ZNF516: variants seen among roughly 807,000 people sequenced by gnomAD.
ZNF516 encodes zinc finger protein 516.
Under a neutral mutation model 79.7 loss-of-function variants are expected in ZNF516, and 19 were observed. The ratio of observed to expected loss-of-function variants is 0.24; its 90% CI spans 0.17 to 0.35. The LOEUF (loss-of-function observed/expected upper bound fraction) is 0.35. Among genes scored for constraint, ZNF516 ranks in the 10% least tolerant of loss-of-function variants. The pLI is 1.00. For missense variants in ZNF516, 1,678 were observed against 1,679.5 expected, an observed-to-expected ratio of 1.00 and a Z score of 0.02; for synonymous variants, 877 against 739.5, an observed-to-expected ratio of 1.19 and a Z score of -3.02.
At chr18:76,440,761 T>TGTGTGTGTGTGTGCGCGCGC (rs571461431) in intron 3 of ZNF516, among the ~76,000 whole-genome samples, 6 of 150,142 alleles carry the variant, frequency 4.0e-5, no homozygotes, top group African/African-American at 1.5e-4. Flanking sequence ...TGTGTGTGTG[T>TGTGTGTGTGTGTGCGCGCGC]GCGCGCACGC....
At chr18:76,441,046 G>C (rs1156634514) in intron 3 of ZNF516, among the ~76,000 whole-genome samples, 199 bp downstream of exon 3, 2 of 152,190 alleles carry the variant, frequency 1.3e-5, no homozygotes, top group African/African-American at 4.8e-5. Context: ...CTGGGCACAG[G>C]GACCCTGGGC....
chr18:76,365,334 T>C (rs2144887763), intron 6 of ZNF516, among the ~76,000 whole-genome samples: 1 of 152,300 alleles, frequency 6.6e-6, no homozygotes, highest in South Asian at 2.1e-4. Context: ...TTTCAATAAA[T>C]CCCAAAACCA....
intron 3 of ZNF516, among the ~76,000 whole-genome samples, chr18:76,415,337 T>C (rs1015981267): frequency 2.0e-5 from 3 of 152,216 alleles, no homozygotes; most frequent in Non-Finnish European, 2.9e-5. Flanking sequence ...GGCCAGCTCA[T>C]GTGTGTGACA....
chr18:76,429,800 C>T (rs1317822910), intron 3 of ZNF516, among the ~76,000 whole-genome samples: 1 of 152,192 alleles, frequency 6.6e-6, no homozygotes, highest in Non-Finnish European at 1.5e-5. Context: ...GCAGTGGCTA[C>T]GGAAAAGGTA....
At chr18:76,366,713 A>G (rs1467335845) in intron 6 of ZNF516, among the ~76,000 whole-genome samples, 1 of 152,230 alleles carries the variant, frequency 6.6e-6, no homozygotes, top group South Asian at 2.1e-4. Context: ...CCAGTTATTA[A>G]GGAAAATTGC....
At chr18:76,440,092 A>T (rs1276383807) in intron 3 of ZNF516, among the ~76,000 whole-genome samples, 1 of 152,244 alleles carries the variant, frequency 6.6e-6, no homozygotes, top group Non-Finnish European at 1.5e-5. Flanking sequence ...CTATGTATAC[A>T]CTCATAACCT....
intron 3 of ZNF516, among the ~76,000 whole-genome samples, chr18:76,401,366 C>T (rs2145215412): frequency 6.6e-6 from 1 of 151,882 alleles, no homozygotes; most frequent in East Asian, 1.9e-4. Flanking sequence ...ACCACTCAGT[C>T]ATATTTCTAT....
upstream of ZNF516, chr18:76,496,259 A>G (rs1392994238): frequency 7.8e-7 from 1 of 1,283,114 alleles, no homozygotes; most frequent in East Asian, 5.6e-5. Flanking sequence ...CGGAGGGGTA[A>G]CACTATCTTC....
chr18:76,493,275 G>C lies in ZNF516; in HGVS notation c.-272+1869C>G. On this transcript the variant is annotated intron_variant, in intron 1 of 6. Coordinates refer to ENST00000443185, the MANE Select transcript of ZNF516 (RefSeq NM_014643.4). This position sits in a 1 kb window ranked among gnomAD's most constrained non-coding sequence, Gnocchi z 5.2. ...GGATGGAAAGGGAAATTCACGAAGG[G>C]AGTGGAGGCGGAAAGGGAGCTCCGA... 1 of 775,086 alleles carries C rather than the reference G, an allele frequency of 1.3e-6. No homozygotes were observed. The highest frequency in any genetic ancestry group is 1.6e-6 in the Non-Finnish European group (1 of 638,950). 48.0% of individuals were successfully genotyped at this position (775,086 alleles called of 1,614,324 possible). A position where few individuals can be genotyped will look rare whatever the true frequency, so the allele number is the denominator to read the frequency against.
chr18:76,466,264 G>A (rs888950260), intron 1 of ZNF516, among the ~76,000 whole-genome samples: 4 of 152,068 alleles, frequency 2.6e-5, no homozygotes, highest in Admixed American at 6.6e-5. Flanking sequence ...CGGCCACCTC[G>A]CTCTCCACTG....
rs2075649051 is a variant in ZNF516, at chr18:76,430,581, G to C, written c.1810+10664C>G. On this transcript the variant is annotated intron_variant, in intron 3 of 6. Transcript: ENST00000443185. ...AGCTGCCATTCTCCATCAGGTTTCA[G>C]ATATGAGATTCAAGCATGTATGTAA... Among the ~76,000 whole-genome samples the C allele has an allele frequency of 1.3e-5, 2 of 152,194 alleles. 1 individual carries two copies. The highest frequency in any genetic ancestry group is 4.1e-4 in the South Asian group (2 of 4,826).
At chr18:76,444,524 A>G (rs1204211938) in intron 2 of ZNF516, among the ~76,000 whole-genome samples, 1 of 152,230 alleles carries the variant, frequency 6.6e-6, no homozygotes, top group Non-Finnish European at 1.5e-5. Context: ...CCGGCTGGGA[A>G]GCACACAACA....
At chr18:76,491,599 C>T (rs1915225935) in intron 1 of ZNF516, 3 of 251,102 alleles carry the variant, frequency 1.2e-5, no homozygotes, top group Non-Finnish European at 1.9e-5. Flanking sequence ...AGGCCCTCCC[C>T]GTGCTTCTCC....
At chr18:76,395,821 C>T (rs970818075) in intron 3 of ZNF516, among the ~76,000 whole-genome samples, 4 of 152,178 alleles carry the variant, frequency 2.6e-5, no homozygotes, top group African/African-American at 9.7e-5. Context: ...ACACTGCAGC[C>T]GGCCGTGAGG....
In ZNF516 at chr18:76,358,789, G is replaced by C. The variant is rs2074491816; in HGVS notation, c.*3709C>G. The C allele has an allele frequency of 6.6e-6, 1 of 152,236 alleles. No individual in the cohort carries two copies. The highest frequency in any genetic ancestry group is 2.4e-5 in the African/African-American group (1 of 41,436). 9.4% of individuals were successfully genotyped at this position (152,236 alleles called of 1,614,324 possible). ...GAGGGTTTGTCTAGTTTGAAGGAAG[G>C]AATGTTGGTAGACAGTCTCCAGCCA... is the stretch of plus-strand genomic sequence containing the variant. On this transcript the variant is annotated 3_prime_UTR_variant, in exon 7 of 7. Coordinates refer to ENST00000443185, the MANE Select transcript of ZNF516 (RefSeq NM_014643.4).
intron 3 of ZNF516, among the ~76,000 whole-genome samples, chr18:76,423,733 CTG>C (rs2075543478): frequency 1.4e-5 from 2 of 144,976 alleles, no homozygotes; most frequent in African/African-American, 2.6e-5. Flanking sequence ...AGGCTCCCTC[CTG>C]AAACATACAC....
At position 76,401,025 on chromosome 18, in the gene ZNF516, TCTC is replaced by T. The variant is rs372114034; in HGVS notation, c.1811-20725_1811-20723del. ...ACTTCATTCCTTCGTTTTCCTCTTC[TCTC>T]CTATTTTTAAAAAGAGGAAATAACT... On this transcript the variant is annotated intron_variant, in intron 3 of 6. Coordinates refer to ENST00000443185, the MANE Select transcript of ZNF516 (RefSeq NM_014643.4). 1.6e-3 allele frequency among the ~76,000 whole-genome samples: 251 copies of T among 152,292 alleles called. 1 individual carries two copies. The highest frequency in any genetic ancestry group is 5.8e-3 in the African/African-American group (241 of 41,564).
intron 3 of ZNF516, among the ~76,000 whole-genome samples, chr18:76,407,711 A>C (rs953853229): frequency 2.6e-5 from 4 of 152,230 alleles, no homozygotes; most frequent in African/African-American, 7.2e-5. Flanking sequence ...CATGCAGTTT[A>C]ATCAGTTATT....
rs368617478 is a variant in ZNF516, at chr18:76,408,241, C to A, written c.1811-27938G>T. On this transcript the variant is annotated intron_variant, in intron 3 of 6. Transcript: ENST00000443185. The stretch of plus-strand genomic sequence containing the variant: ...TTTAATCGCACGTCACTATGACCTC[C>A]CCGCTGTTATTGGAAGGCTGAGTTC... 2.5e-4 allele frequency among the ~76,000 whole-genome samples: 38 copies of A among 152,298 alleles called. No homozygotes were observed. The South Asian group carries it at 7.5e-3, about 30-fold the overall frequency.
Sources: gnomAD v4.1 joint callset for allele counts (sites outside exome capture counted in the v4.1 genomes callset) on GRCh38, gnomAD v4.1.1 for gene constraint, Gnocchi (gnomAD v3.1) non-coding constraint, MANE v1.5 for transcripts, NCBI Gene and HGNC (gene_info 2026-07-23, HGNC 2026-07-21) for gene names.